Variants in PDE4D observed in about 807,000 individuals in gnomAD.
The protein encoded by PDE4D is phosphodiesterase 4D, also known as 3',5'-cyclic-AMP phosphodiesterase 4D.
Under a neutral mutation model 87.4 loss-of-function variants are expected in PDE4D, and 24 were observed. The observed-to-expected ratio is 0.27, with a 90% CI of 0.20 to 0.39. The LOEUF (loss-of-function observed/expected upper bound fraction) is 0.39. Among genes scored for constraint, PDE4D ranks in the 10% least tolerant of loss-of-function variants. The probability of loss-of-function intolerance (pLI) is 1.00; values close to 1 mark genes in which losing one functional copy is unlikely to be tolerated. For missense variants in PDE4D, 714 were observed against 1,041.0 expected (o/e 0.69, Z 4.32); for synonymous variants, 384 against 383.2 (o/e 1.00, Z -0.02).
At chr5:60,458,499 T>C (rs982255470) in intron 1 of PDE4D, among the ~76,000 whole-genome samples, 1 of 152,044 alleles carries the variant, frequency 6.6e-6, no homozygotes, top group African/African-American at 2.4e-5. Context: ...CTGGCTTCAT[T>C]ATACATCAAA....
intron 11 of PDE4D, among the ~76,000 whole-genome samples, chr5:58,988,021 TAAG>T (rs1326193129): frequency 9.2e-5 from 14 of 152,146 alleles, no homozygotes; most frequent in Non-Finnish European, 1.9e-4. Context: ...GAAAAAATAT[TAAG>T]AAGTTCCTGT....
chr5:59,996,278 T>C (rs1413048712), intron 2 of PDE4D, among the ~76,000 whole-genome samples: 1 of 152,212 alleles, frequency 6.6e-6, no homozygotes, highest in Non-Finnish European at 1.5e-5. Flanking sequence ...AGGCAGAGGA[T>C]GTGTTTTGTT....
intron 1 of PDE4D, among the ~76,000 whole-genome samples, chr5:59,677,537 G>A (rs1007251630): frequency 2.0e-5 from 3 of 152,206 alleles, no homozygotes; most frequent in Admixed American, 1.3e-4. Context: ...AACGGGAGCT[G>A]TGGAGTTCTC....
chr5:60,047,954 T>A (rs1462785559), intron 2 of PDE4D, among the ~76,000 whole-genome samples: 2 of 152,206 alleles, frequency 1.3e-5, no homozygotes, highest in African/African-American at 2.4e-5. Flanking sequence ...TGTCTAATGT[T>A]GACAGTGGGG....
intron 2 of PDE4D, among the ~76,000 whole-genome samples, chr5:60,101,785 G>A (rs1202213648): frequency 6.6e-6 from 1 of 152,140 alleles, no homozygotes; most frequent in Non-Finnish European, 1.5e-5. Context: ...CCTTTTCAGA[G>A]ACTAGAAGAT....
At chr5:60,105,250 G>T (rs1258376380) in intron 2 of PDE4D, among the ~76,000 whole-genome samples, 1 of 152,212 alleles carries the variant, frequency 6.6e-6, no homozygotes, top group Non-Finnish European at 1.5e-5. Flanking sequence ...TCAACTGGAA[G>T]AAAGGGTATC....
chr5:60,514,491 C>CAGTTT (rs1750707197), intron 1 of PDE4D, among the ~76,000 whole-genome samples: 1 of 152,028 alleles, frequency 6.6e-6, no homozygotes, highest in South Asian at 2.1e-4. Flanking sequence ...TAACTAAATT[C>CAGTTT]AGTTTAGTTA....
chr5:59,095,087 A>G (rs1411672169), intron 5 of PDE4D, among the ~76,000 whole-genome samples: 2 of 152,090 alleles, frequency 1.3e-5, no homozygotes, highest in Non-Finnish European at 2.9e-5. Context: ...TCAAAGCCAA[A>G]TACTCATTCT....
chr5:59,172,062 A>T (rs868836462), intron 5 of PDE4D, among the ~76,000 whole-genome samples: 31 of 2,594 alleles, frequency 0.012, 2 homozygotes, highest in African/African-American at 0.1. Flanking sequence ...TATATATTAT[A>T]TATATAATAA....
intron 2 of PDE4D, among the ~76,000 whole-genome samples, chr5:60,070,427 C>T (rs1172957961): frequency 6.6e-6 from 1 of 151,970 alleles, no homozygotes; most frequent in Non-Finnish European, 1.5e-5. Flanking sequence ...TAAATTTTGT[C>T]AAACCCTTTT....
intron 1 of PDE4D, among the ~76,000 whole-genome samples, chr5:59,677,365 G>A (rs1238519822): frequency 6.6e-6 from 1 of 152,092 alleles, no homozygotes; most frequent in East Asian, 1.9e-4. Context: ...CATTTATCTA[G>A]TGTTTTCTAA....
chr5:59,394,180 G>C (rs1399477671), intron 1 of PDE4D, among the ~76,000 whole-genome samples: 1 of 152,200 alleles, frequency 6.6e-6, no homozygotes, highest in Admixed American at 6.5e-5. Context: ...AATGACAGCA[G>C]ATGGAATTGA....
intron 3 of PDE4D, among the ~76,000 whole-genome samples, chr5:59,964,815 G>A (rs1042516048): frequency 4.6e-5 from 7 of 151,934 alleles, no homozygotes; most frequent in Non-Finnish European, 7.4e-5. Flanking sequence ...ATTCTTAATT[G>A]GTTTAGCATT....
intron 1 of PDE4D, among the ~76,000 whole-genome samples, chr5:59,519,834 C>T (rs7712329): frequency 0.41 from 62,497 of 151,912 alleles, 14,570 homozygotes; most frequent in African/African-American, 0.64. Context: ...GATGAGAGAA[C>T]AGTCATGTGG....
chr5:59,429,739 C>T (rs886726343), intron 1 of PDE4D, among the ~76,000 whole-genome samples: 6 of 152,072 alleles, frequency 3.9e-5, no homozygotes, highest in Admixed American at 6.6e-5. Flanking sequence ...ACTATATCAT[C>T]GCTATTCTGA....
intron 3 of PDE4D, among the ~76,000 whole-genome samples, chr5:59,944,499 G>A (rs1166329718): frequency 6.6e-6 from 1 of 152,174 alleles, no homozygotes; most frequent in Non-Finnish European, 1.5e-5. Context: ...CACCTCCCGA[G>A]TAGCTGGGAT....
intron 1 of PDE4D, among the ~76,000 whole-genome samples, chr5:59,493,870 T>C (rs1023327785): frequency 3.3e-5 from 5 of 152,196 alleles, no homozygotes; most frequent in East Asian, 3.8e-4. Flanking sequence ...CACAGCATTA[T>C]GGGAAAAGGT....
chr5:59,016,075 A>G (rs1423505227), intron 6 of PDE4D, among the ~76,000 whole-genome samples: 2 of 152,168 alleles, frequency 1.3e-5, no homozygotes, highest in Non-Finnish European at 2.9e-5. Context: ...GGAATTGAAC[A>G]ATGAGAACAC....
At chr5:59,206,811 A>C (rs1748892594) in intron 2 of PDE4D, among the ~76,000 whole-genome samples, 3 of 152,182 alleles carry the variant, frequency 2.0e-5, no homozygotes, top group Admixed American at 6.6e-5. Flanking sequence ...ATGTGGTGGA[A>C]AACACGTATT....
Sources: gnomAD v4.1 joint callset for allele counts (sites outside exome capture counted in the v4.1 genomes callset) on GRCh38, gnomAD v4.1.1 for gene constraint, MANE v1.5 for transcripts, NCBI Gene and HGNC (gene_info 2026-07-23, HGNC 2026-07-21) for gene names.